Variants in NEGR1 observed in about 807,000 individuals in gnomAD.
NEGR1 encodes IgLON family member 4.
Under a neutral mutation model 40.9 loss-of-function variants are expected in NEGR1, and 10 were observed. The observed-to-expected ratio is 0.24, with a 90% CI of 0.15 to 0.42. The LOEUF (loss-of-function observed/expected upper bound fraction) is 0.42. Among genes scored for constraint, NEGR1 ranks in the 10% least tolerant of loss-of-function variants. NEGR1 has a pLI of 1.00. For missense variants in NEGR1, 352 were observed against 438.9 expected, an observed-to-expected ratio of 0.80 and a Z score of 1.77; for synonymous variants, 185 against 166.8, an observed-to-expected ratio of 1.11 and a Z score of -0.84.
intron 3 of NEGR1, among the ~76,000 whole-genome samples, chr1:71,717,577 T>C (rs956739518): frequency 5.9e-5 from 9 of 152,208 alleles, no homozygotes; most frequent in African/African-American, 2.2e-4. Context: ...ATTTTTAAGC[T>C]GTACTTGATA....
chr1:71,609,560 A>ATGAGACTG (rs1235086625), intron 5 of NEGR1, among the ~76,000 whole-genome samples: 1 of 141,710 alleles, frequency 7.1e-6, no homozygotes, highest in Non-Finnish European at 1.5e-5. Flanking sequence ...AAAAAAAGAA[A>ATGAGACTG]TGAGACTGTT....
At chr1:71,582,501 T>G (rs1367881834) in intron 6 of NEGR1, among the ~76,000 whole-genome samples, 1 of 152,222 alleles carries the variant, frequency 6.6e-6, no homozygotes, top group East Asian at 1.9e-4. Flanking sequence ...AGCAGCATAT[T>G]ATTTTGCCTT....
chr1:72,066,190 A>G (rs1569904958), intron 1 of NEGR1, among the ~76,000 whole-genome samples: 1 of 152,154 alleles, frequency 6.6e-6, no homozygotes, highest in African/African-American at 2.4e-5. Context: ...AAGAAGACTG[A>G]GGCATCGGAA....
intron 1 of NEGR1, among the ~76,000 whole-genome samples, chr1:71,982,174 C>CT (rs1185492951): frequency 6.6e-6 from 1 of 152,138 alleles, no homozygotes. Flanking sequence ...GGAAATCTCT[C>CT]TTTTTTTCAG....
rs182168148 is a variant in NEGR1 at position 71,419,635 on chromosome 1, C to T, written c.941-12065G>A. Among the ~76,000 whole-genome samples, 850 of 152,216 alleles carry T rather than the reference C, an allele frequency of 5.6e-3. 6 individuals carry two copies. The highest frequency in any genetic ancestry group is 0.019 in the African/African-American group (810 of 41,540). ...ATTTTGGTTTCTGCTATACCAGCAG[C>T]ACTGCTTAATGAAAGTTTTGTCTCC... is the stretch of plus-strand genomic sequence containing the variant. On this transcript the variant is annotated intron_variant, in intron 6 of 6. Coordinates refer to ENST00000357731, the MANE Select transcript of NEGR1 (RefSeq NM_173808.3).
At chr1:72,243,756 A>G (rs1484457604) in intron 1 of NEGR1, among the ~76,000 whole-genome samples, 2 of 151,842 alleles carry the variant, frequency 1.3e-5, no homozygotes, top group Admixed American at 1.3e-4. Flanking sequence ...AACTCTCATT[A>G]CCTGATTATA....
At chr1:72,116,517 T>C (rs1486660116) in intron 1 of NEGR1, among the ~76,000 whole-genome samples, 1 of 151,768 alleles carries the variant, frequency 6.6e-6, no homozygotes, top group Non-Finnish European at 1.5e-5. Flanking sequence ...GTTCTATCTA[T>C]AGAAGATAAT....
chr1:71,625,175 T>C (rs1262773645), intron 4 of NEGR1, among the ~76,000 whole-genome samples: 1 of 152,006 alleles, frequency 6.6e-6, no homozygotes, highest in Non-Finnish European at 1.5e-5. Flanking sequence ...ACATTCCCAC[T>C]ATCATGTGCC....
intron 6 of NEGR1, among the ~76,000 whole-genome samples, chr1:71,450,302 T>G (rs1569887010): frequency 2.6e-5 from 4 of 152,190 alleles, no homozygotes; most frequent in African/African-American, 9.6e-5. Flanking sequence ...AATGTTATTA[T>G]TTACAAGCAA....
intron 2 of NEGR1, among the ~76,000 whole-genome samples, chr1:71,800,834 T>G (rs1233087305): frequency 6.6e-6 from 1 of 152,196 alleles, no homozygotes; most frequent in Non-Finnish European, 1.5e-5. Context: ...TGTGTTATAG[T>G]TCTTCAATCT....
chr1:71,701,967 T>C (rs1653711789), intron 3 of NEGR1, among the ~76,000 whole-genome samples: 1 of 151,944 alleles, frequency 6.6e-6, no homozygotes, highest in African/African-American at 2.4e-5. Flanking sequence ...ACAGAAATAA[T>C]GGAGTTTATG....
chr1:71,605,704 A>C lies in NEGR1; in HGVS notation c.788+5322T>G, dbSNP rs146836426. ...CAACCTTCTACAGTATTGAGGAAAA[A>C]AGTTTAAATATTTGGCTCTCTTTAT... is the stretch of plus-strand genomic sequence containing the variant. On this transcript the variant is annotated intron_variant, in intron 5 of 6. Transcript: ENST00000357731. Among the ~76,000 whole-genome samples, 28 of 152,312 alleles carry C rather than the reference A, an allele frequency of 1.8e-4. No homozygotes were observed. In the East Asian group the frequency reaches 5.4e-3, roughly 29 times the overall value.
chr1:71,573,530 G>C (rs1239836533), intron 6 of NEGR1: 2 of 152,178 alleles, frequency 1.3e-5, no homozygotes, highest in Non-Finnish European at 2.9e-5. Flanking sequence ...TCCTCAGACA[G>C]TGATTTATCA....
chr1:71,460,902 TTTTG>T (rs1479490203), intron 6 of NEGR1, among the ~76,000 whole-genome samples: 1 of 152,186 alleles, frequency 6.6e-6, no homozygotes, highest in East Asian at 1.9e-4. Flanking sequence ...GTGGAAGGGT[TTTTG>T]TTTTTCTTTT....
At chr1:71,894,338 A>C (rs1465673945) in intron 2 of NEGR1, among the ~76,000 whole-genome samples, 6 of 152,216 alleles carry the variant, frequency 3.9e-5, no homozygotes, top group African/African-American at 1.2e-4. Flanking sequence ...GTAGTAGTTC[A>C]AGAATCAGGG....
At chr1:71,436,340 A>G (rs1017804369) in intron 6 of NEGR1, among the ~76,000 whole-genome samples, 2 of 152,106 alleles carry the variant, frequency 1.3e-5, no homozygotes, top group African/African-American at 2.4e-5. Flanking sequence ...CTTGATGGAG[A>G]TGGGTGCTTC....
chr1:72,168,211 C>T (rs1276098194), intron 1 of NEGR1, among the ~76,000 whole-genome samples: 1 of 151,948 alleles, frequency 6.6e-6, no homozygotes, highest in Non-Finnish European at 1.5e-5. Flanking sequence ...TGGGGTTTCT[C>T]CATGCTGACC....
At chr1:71,699,405 C>A (rs377669019) in intron 3 of NEGR1, among the ~76,000 whole-genome samples, 6 of 151,690 alleles carry the variant, frequency 4.0e-5, no homozygotes, top group Middle Eastern at 3.2e-3. Flanking sequence ...ATGATTAAGT[C>A]GTATTTCCAT....
intron 2 of NEGR1, among the ~76,000 whole-genome samples, chr1:71,898,981 C>CAT (rs55674579): frequency 0.1 from 5,127 of 50,582 alleles, 322 homozygotes; most frequent in African/African-American, 0.15. Context: ...ATATATATAG[C>CAT]ATATATATAT....
Sources: allele counts gnomAD v4.1 joint callset (sites outside exome capture counted in the v4.1 genomes callset), GRCh38; gene constraint gnomAD v4.1.1; transcripts MANE v1.5; gene names NCBI Gene and HGNC (gene_info 2026-07-23, HGNC 2026-07-21).